Variants in KIF5C observed in about 807,000 individuals in gnomAD.
The protein encoded by KIF5C is kinesin heavy chain isoform 5C.
A neutral mutation model predicts 125.2 loss-of-function variants in KIF5C; 18 were observed. The ratio of observed to expected loss-of-function variants is 0.14; its 90% confidence interval spans 0.10 to 0.21. KIF5C has a LOEUF of 0.21. KIF5C is among the 10% of genes least tolerant of loss of function. The pLI is 1.00. For missense variants in KIF5C, 780 were observed against 1,183.8 expected, an observed-to-expected ratio of 0.66 and a Z score of 5.01; for synonymous variants, 405 against 434.0, an observed-to-expected ratio of 0.93 and a Z score of 0.83.
chr2:148,897,001 T>A (rs1363792090), intron 1 of KIF5C, among the ~76,000 whole-genome samples: 1 of 152,108 alleles, frequency 6.6e-6, no homozygotes, highest in Non-Finnish European at 1.5e-5. Flanking sequence ...TCCGGCTAAT[T>A]TTTGTATCTT....
chr2:149,018,771 C>T (rs1268524444), intron 25 of KIF5C, among the ~76,000 whole-genome samples: 1 of 152,036 alleles, frequency 6.6e-6, no homozygotes, highest in Non-Finnish European at 1.5e-5. Context: ...TAATTTGAGG[C>T]TGTGGTGAGC....
chr2:148,899,406 A>C (rs1041603298), intron 1 of KIF5C, among the ~76,000 whole-genome samples: 1 of 152,194 alleles, frequency 6.6e-6, no homozygotes, highest in African/African-American at 2.4e-5. Context: ...TGCTTGGCAT[A>C]AGAAAACAGC....
intron 21 of KIF5C, among the ~76,000 whole-genome samples, chr2:149,002,353 A>G (rs1681875598): frequency 6.6e-6 from 1 of 152,124 alleles, no homozygotes; most frequent in Non-Finnish European, 1.5e-5. Flanking sequence ...ATGTGAGCAC[A>G]TCATCACACA....
At chr2:148,988,766 A>G (rs1448098226) in intron 15 of KIF5C, among the ~76,000 whole-genome samples, 1 of 152,182 alleles carries the variant, frequency 6.6e-6, no homozygotes, top group Non-Finnish European at 1.5e-5. Context: ...ATGCCATTAG[A>G]ATAGAAAAGG....
chr2:148,909,474 A>G (rs1416223853), intron 1 of KIF5C, among the ~76,000 whole-genome samples: 1 of 152,264 alleles, frequency 6.6e-6, no homozygotes, highest in Non-Finnish European at 1.5e-5. Flanking sequence ...CGTAAAGACA[A>G]GGAAACTTGT....
In KIF5C at chr2:148,983,627, T is replaced by C; in HGVS notation, c.1577T>C (p.Leu526Ser). 3 of 1,568,808 alleles carry C rather than the reference T, an allele frequency of 1.9e-6. No homozygotes were observed. Among genetic ancestry groups the C allele is most frequent in the Non-Finnish European group, 2.6e-6 (3 of 1,154,490 alleles). ...TTGAAATTTGTTTTTCAGACTACAT[T>C]GACAACCACACAGAGAGAGCTGAGC... is the stretch of plus-strand genomic sequence containing the variant. ...TDELAQKTTT[L>S]TTTQRELSQL... The change falls in exon 15 of 26, where the codon TTG becomes TCG. Residue 526 changes from leucine to serine, a missense_variant. Physicochemically the swap from Leu to Ser is moderately radical, Grantham distance 145 (BLOSUM62 -2). Around this residue, in one of 2 missense-constraint regions of KIF5C, gnomAD observed 573 missense variants for 742.6 expected, o/e 0.77. Transcript: ENST00000435030.
At chr2:149,021,366 C>T (rs1263164534) in intron 25 of KIF5C, among the ~76,000 whole-genome samples, 1 of 151,946 alleles carries the variant, frequency 6.6e-6, no homozygotes, top group Non-Finnish European at 1.5e-5. Flanking sequence ...CTGCACTTGG[C>T]CAAGAGGTGG....
At chr2:148,951,333 G>A (rs1449519987) in intron 10 of KIF5C, among the ~76,000 whole-genome samples, 1 of 152,172 alleles carries the variant, frequency 6.6e-6, no homozygotes, top group Non-Finnish European at 1.5e-5. Flanking sequence ...ATTCCCACAT[G>A]AGACTTCCTA....
intron 10 of KIF5C, among the ~76,000 whole-genome samples, chr2:148,959,593 G>A (rs1428144672): frequency 6.6e-6 from 1 of 152,172 alleles, no homozygotes; most frequent in Non-Finnish European, 1.5e-5. Flanking sequence ...GGGCTCCAGT[G>A]TGAGACACAG....
intron 25 of KIF5C, among the ~76,000 whole-genome samples, chr2:149,022,009 G>T (rs770296372): frequency 6.6e-6 from 1 of 152,148 alleles, no homozygotes; most frequent in South Asian, 2.1e-4. Flanking sequence ...TGGTCTAGAC[G>T]TTCATCCTGG....
intron 21 of KIF5C, among the ~76,000 whole-genome samples, chr2:149,002,912 C>T (rs1232638826): frequency 6.6e-6 from 1 of 152,200 alleles, no homozygotes; most frequent in South Asian, 2.1e-4. Context: ...TTTTGAATGA[C>T]GTATTTTCCT....
At chr2:149,015,353 A>G (rs1016778686) in intron 25 of KIF5C, among the ~76,000 whole-genome samples, 9 of 152,252 alleles carry the variant, frequency 5.9e-5, no homozygotes, top group South Asian at 4.1e-4. Flanking sequence ...AATTGAAAAT[A>G]TGGAATTCAT....
chr2:148,888,882 T>C (rs1252089346), intron 1 of KIF5C: 1 of 152,184 alleles, frequency 6.6e-6, no homozygotes, highest in Admixed American at 6.5e-5. Context: ...CCATGTTGTG[T>C]AATATCTTCA....
Position 149,025,269 on chromosome 2 carries a change from A to G in KIF5C, c.*2199A>G, listed in dbSNP as rs1682656284. 6.6e-6 allele frequency: 1 copy of G among 152,622 alleles called. No homozygotes were observed. The highest frequency in any genetic ancestry group is 1.5e-5 in the Non-Finnish European group (1 of 68,034). The allele number at this position is 152,622 out of a possible 1,614,324, so 9.5% of individuals were successfully genotyped here. On this transcript the variant is annotated 3_prime_UTR_variant, in exon 26 of 26. Coordinates refer to ENST00000435030, the MANE Select transcript of KIF5C (RefSeq NM_004522.3). ...AAGTTGGCTTTGATGTCTCTTAAAG[A>G]TAATTCTGCTAGTTGCTGATCAGCC...
intron 8 of KIF5C, 28 bp from the exon 9 acceptor site, chr2:148,949,811 G>A: frequency 1.2e-6 from 2 of 1,611,198 alleles, no homozygotes; most frequent in Non-Finnish European, 8.5e-7. Flanking sequence ...GTCCTGTGCT[G>A]CTCACTGCTT....
chr2:148,997,336 T>A lies in KIF5C; in HGVS notation c.2096T>A (p.Met699Lys). Residue 699 changes from methionine (M) to lysine (K), a missense_variant, in exon 18 of 26, where the codon ATG becomes AAG. By Grantham distance (95) the Met-to-Lys change is moderately conservative. This residue lies in a region of KIF5C where 573 missense variants were observed against 742.6 expected (regional missense o/e 0.77). Coordinates refer to ENST00000435030, the MANE Select transcript of KIF5C (RefSeq NM_004522.3). ...ACGCGGTTGCAGGATGCTGAAGAAATGAAGGTGTGTGTGGCTGCCCCTTCC... is the reference window on the plus strand; with the variant it reads ...ACGCGGTTGCAGGATGCTGAAGAAAAGAAGGTGTGTGTGGCTGCCCCTTCC... The part of the protein sequence containing the change: ...HLTRLQDAEE[M>K]KKALEQQMES... 1 of 1,613,854 alleles carries A rather than the reference T, an allele frequency of 6.2e-7. No homozygotes were observed. Among genetic ancestry groups the A allele is most frequent in the South Asian group, 1.1e-5 (1 of 91,044 alleles).
chr2:149,001,161 T>C (rs1042839432), intron 21 of KIF5C, among the ~76,000 whole-genome samples: 8 of 152,222 alleles, frequency 5.3e-5, no homozygotes, highest in African/African-American at 1.4e-4. Flanking sequence ...ATAAGATCCC[T>C]GTCCTCATGA....
At chr2:148,979,347 A>G (rs972810779) in intron 13 of KIF5C, among the ~76,000 whole-genome samples, 2 of 152,166 alleles carry the variant, frequency 1.3e-5, no homozygotes, top group African/African-American at 4.8e-5. Flanking sequence ...CAGTGGTGCA[A>G]TCATGGCTCA....
At chr2:148,994,745 C>G (rs1055332169) in intron 17 of KIF5C, among the ~76,000 whole-genome samples, 1 of 151,642 alleles carries the variant, frequency 6.6e-6, no homozygotes, top group African/African-American at 2.4e-5. Context: ...CTCTGTTGCC[C>G]AGGCTGAAGT....
Sources: gnomAD v4.1 joint callset for allele counts (sites outside exome capture counted in the v4.1 genomes callset) on GRCh38, gnomAD v4.1.1 for gene constraint, gnomAD v4.1.1 regional missense constraint, MANE v1.5 for transcripts, NCBI Gene and HGNC (gene_info 2026-07-23, HGNC 2026-07-21) for gene names.